The following RPS6KA2 variants were observed in gnomAD, a reference collection of about 807,000 sequenced individuals.
RPS6KA2 encodes the protein ribosomal protein S6 kinase alpha-2.
Under a neutral mutation model 91.8 loss-of-function variants are expected in RPS6KA2, and 42 were observed. The observed-to-expected ratio is 0.46, with a 90% CI of 0.36 to 0.59. The LOEUF is 0.59. Ranked by LOEUF, RPS6KA2 falls within the 20% of genes least tolerant of loss-of-function variation. The pLI is 0.00. For missense variants in RPS6KA2, 798 were observed against 978.5 expected (o/e 0.82, Z 2.46); for synonymous variants, 414 against 393.6 (o/e 1.05, Z -0.61).
rs952047833 is a variant in RPS6KA2, at chr6:166,493,372, G to A, written c.748-2631C>T. 3.7e-4 allele frequency among the ~76,000 whole-genome samples: 56 copies of A among 152,100 alleles called. No individual in the cohort carries two copies. The highest frequency in any genetic ancestry group is 1.2e-4 in the Non-Finnish European group (8 of 68,034). On this transcript the variant is annotated intron_variant, in intron 8 of 20. Coordinates refer to ENST00000265678, the MANE Select transcript of RPS6KA2 (RefSeq NM_021135.6). The surrounding 1 kb of genome is among the most constrained non-coding windows in gnomAD (Gnocchi z 4.7). ...ATGATTGTCTGAATGGAGCTGCCCG[G>A]GAACTTTCCAGTGCCGAAGCATTAC...
intron 2 of RPS6KA2, among the ~76,000 whole-genome samples, chr6:166,667,629 C>G (rs897821238): frequency 1.3e-5 from 2 of 152,150 alleles, no homozygotes; most frequent in African/African-American, 4.8e-5. Flanking sequence ...ACCTGAGGAC[C>G]ACTTGGGTGG....
chr6:166,757,455 C>T (rs563294456), intron 2 of RPS6KA2: 34 of 453,966 alleles, frequency 7.5e-5, no homozygotes, highest in African/African-American at 1.2e-4. Context: ...CTGTCACACC[C>T]GTGATTTCCC....
At chr6:166,840,733 G>A (rs995727406) in intron 2 of RPS6KA2, among the ~76,000 whole-genome samples, 26 of 152,138 alleles carry the variant, frequency 1.7e-4, no homozygotes, top group African/African-American at 5.8e-4. Context: ...AGGCTTAGGC[G>A]GGCAGATCAC....
At chr6:166,545,426 T>A (rs1783794975) in intron 1 of RPS6KA2, among the ~76,000 whole-genome samples, 1 of 152,092 alleles carries the variant, frequency 6.6e-6, no homozygotes, top group African/African-American at 2.4e-5. Context: ...TGGGGAGAAG[T>A]CTCCGTTAAG....
chr6:166,715,846 C>T (rs1465569768), intron 2 of RPS6KA2, among the ~76,000 whole-genome samples: 1 of 151,762 alleles, frequency 6.6e-6, no homozygotes, highest in African/African-American at 2.4e-5. Context: ...AAGACCAGCC[C>T]GGGCAACATG....
chr6:166,584,021 A>G (rs1292005607), intron 1 of RPS6KA2, among the ~76,000 whole-genome samples: 2 of 152,234 alleles, frequency 1.3e-5, no homozygotes, highest in African/African-American at 4.8e-5. Flanking sequence ...GTGTGCAACG[A>G]AACAAGGTTA....
chr6:166,538,675 T>C lies in RPS6KA2; in HGVS notation c.209A>G (p.Tyr70Cys). 1 of 1,586,072 alleles carries C rather than the reference T, an allele frequency of 6.3e-7. No individual in the cohort carries two copies. Among genetic ancestry groups the C allele is most frequent in the Non-Finnish European group, 8.7e-7 (1 of 1,154,696 alleles). The change falls in exon 2 of 21, where the codon TAT becomes TGT. Residue 70 changes from tyrosine to cysteine, a missense_variant. Physicochemically the swap from Tyr to Cys is radical, Grantham distance 194. Transcript: ENST00000265678. ...AGCCAGGGCTGAACTTACCTTTCCA[T>C]AGGATCCTTGTCCTAAAACCTTCAG... is the stretch of plus-strand genomic sequence containing the variant. The part of the protein sequence containing the change: ...ELLKVLGQGS[Y>C]GKVFLVRKVK...
rs577021454 is a variant in RPS6KA2, at chr6:166,433,120, C to T, written c.1333-630G>A. Among the ~76,000 whole-genome samples, 4 of 151,144 alleles carry T rather than the reference C, an allele frequency of 2.6e-5. No homozygotes were observed. The highest frequency in any genetic ancestry group is 2.1e-4 in the South Asian group (1 of 4,782). The stretch of plus-strand genomic sequence containing the variant: ...CAAATAACAGACTGTGTCCCACCCT[C>T]GCAGTGGGCACCATCCACAACAAGC... On this transcript the variant is annotated intron_variant, in intron 14 of 20. Transcript: ENST00000265678. This position sits in a 1 kb window ranked among gnomAD's most constrained non-coding sequence, Gnocchi z 4.4.
intron 2 of RPS6KA2, among the ~76,000 whole-genome samples, chr6:166,653,010 C>A (rs537357122): frequency 3.1e-4 from 47 of 152,338 alleles, no homozygotes; most frequent in African/African-American, 1.1e-3. Context: ...TAGCCCCGGG[C>A]CACAGAACCT....
chr6:166,844,121 A>G (rs1780553175), intron 2 of RPS6KA2, among the ~76,000 whole-genome samples: 1 of 152,146 alleles, frequency 6.6e-6, no homozygotes, highest in South Asian at 2.1e-4. Context: ...GAGAAATACA[A>G]AATGTGCTGG....
Position 166,612,634 on chromosome 6 carries a change from C to G in RPS6KA2, c.99+14287G>C, listed in dbSNP as rs1469023150. Among the ~76,000 whole-genome samples, 1 of 152,176 alleles carries G rather than the reference C, an allele frequency of 6.6e-6. No individual in the cohort carries two copies. Among genetic ancestry groups the G allele is most frequent in the Non-Finnish European group, 1.5e-5 (1 of 68,024 alleles). On this transcript the variant is annotated intron_variant, in intron 1 of 20. Transcript: ENST00000265678. This position sits in a 1 kb window ranked among gnomAD's most constrained non-coding sequence, Gnocchi z 4.3. ...AGGTCAGACACTGCTTTGCAGAGCCCGTGGGCTGTGCTCCATTTATCACTC... is the reference window on the plus strand; with the variant it reads ...AGGTCAGACACTGCTTTGCAGAGCCGGTGGGCTGTGCTCCATTTATCACTC...
At chr6:166,469,738 C>A in intron 11 of RPS6KA2, 103 bp downstream of exon 11, 1 of 1,070,138 alleles carries the variant, frequency 9.3e-7, no homozygotes, top group East Asian at 2.4e-5. Context: ...CTCCGACCTA[C>A]TTGTGACCCG....
chr6:166,803,858 C>T (rs973546045), intron 2 of RPS6KA2, among the ~76,000 whole-genome samples: 4 of 152,164 alleles, frequency 2.6e-5, no homozygotes, highest in Admixed American at 2.6e-4. Flanking sequence ...TGGAAATCCC[C>T]TTGGGGATAA....
chr6:166,469,902 G>A lies in RPS6KA2; in HGVS notation c.911C>T (p.Ala304Val), dbSNP rs895377824. The change falls in exon 11 of 21, where the codon GCT becomes GTT. Residue 304 changes from alanine to valine, a missense_variant. Coordinates refer to ENST00000265678, the MANE Select transcript of RPS6KA2 (RefSeq NM_021135.6). ...AATTTCCTCCACTCCGTCAATGCCA[G>A]CACCTGTCAACAACACAGAAATGAT... ...FKRNPCNRLG[A>V]GIDGVEEIKR... 5.0e-6 allele frequency: 8 copies of A among 1,613,740 alleles called. No individual in the cohort carries two copies. In the Admixed American group the frequency reaches 1.0e-4, roughly 20 times the overall value.
At chr6:166,619,494 A>G (rs1213210223) in intron 1 of RPS6KA2, among the ~76,000 whole-genome samples, 2 of 151,816 alleles carry the variant, frequency 1.3e-5, no homozygotes, top group Non-Finnish European at 2.9e-5. Flanking sequence ...ATAGTGTAGA[A>G]CGCAGCAGTC....
chr6:166,463,273 A>G (rs991247828), intron 11 of RPS6KA2: 3 of 152,166 alleles, frequency 2.0e-5, no homozygotes, highest in Non-Finnish European at 4.4e-5. Flanking sequence ...TATGTAAACC[A>G]CTGTAGGCAG....
chr6:166,690,290 G>A (rs935033807), intron 2 of RPS6KA2, among the ~76,000 whole-genome samples: 5 of 152,122 alleles, frequency 3.3e-5, no homozygotes, highest in Admixed American at 3.3e-4. Context: ...GTGAGTCCTT[G>A]AGGGCCACCA....
chr6:166,810,106 C>T (rs1441402938), intron 2 of RPS6KA2, among the ~76,000 whole-genome samples: 1 of 152,138 alleles, frequency 6.6e-6, no homozygotes, highest in Non-Finnish European at 1.5e-5. Flanking sequence ...AGCGAGTGCA[C>T]GCAGGGGAGA....
intron 1 of RPS6KA2, among the ~76,000 whole-genome samples, chr6:166,560,932 A>C (rs1236041874): frequency 7.6e-6 from 1 of 131,550 alleles, no homozygotes; most frequent in East Asian, 2.3e-4. Flanking sequence ...TTAGCCCAAC[A>C]TGGTGTTTTT....
Sources: gnomAD v4.1 joint callset for allele counts (sites outside exome capture counted in the v4.1 genomes callset) on GRCh38, gnomAD v4.1.1 for gene constraint, Gnocchi (gnomAD v3.1) non-coding constraint, MANE v1.5 for transcripts, NCBI Gene and HGNC (gene_info 2026-07-23, HGNC 2026-07-21) for gene names.